DNMT1: variants seen among roughly 807,000 people sequenced by gnomAD.
DNMT1 encodes the protein DNA (cytosine-5)-methyltransferase 1.
In DNMT1, 24 loss-of-function variants were observed where a neutral mutation model predicts 205.3. The observed-to-expected ratio is 0.12, with a 90% CI of 0.08 to 0.16. The LOEUF (loss-of-function observed/expected upper bound fraction) is 0.16. DNMT1 is among the 10% of genes least tolerant of loss of function. The pLI is 1.00. For synonymous variants in DNMT1, 817 were observed against 839.8 expected, an observed-to-expected ratio of 0.97 and a Z score of 0.47; for missense variants, 1,293 against 2,177.7, an observed-to-expected ratio of 0.59 and a Z score of 8.09.
chr19:10,184,068 A>T (rs1214878277), intron 1 of DNMT1, among the ~76,000 whole-genome samples: 7 of 152,100 alleles, frequency 4.6e-5, no homozygotes, highest in African/African-American at 1.7e-4. Context: ...AGATACCAGG[A>T]AAGAGGGGGC....
intron 28 of DNMT1, chr19:10,144,269 G>A: frequency 2.5e-6 from 1 of 400,148 alleles, no homozygotes; most frequent in Admixed American, 3.6e-5. Context: ...TTAGCCGGGT[G>A]TGGTGGTACA....
Position 10,146,542 on chromosome 19 carries a change from A to T in DNMT1, c.2721-18T>A, listed in dbSNP as rs749486924. 6.2e-7 allele frequency: 1 copy of T among 1,613,882 alleles called. No individual in the cohort carries two copies. Among genetic ancestry groups the T allele is most frequent in the South Asian group, 1.1e-5 (1 of 91,074 alleles). The stretch of plus-strand genomic sequence containing the variant: ...CACAGAATCTGAAGGAAACAAAGGG[A>T]CAGAAACATAAGGCCCTGAGGTGGC... On this transcript the variant is annotated intron_variant, in intron 27 of 40. Transcript: ENST00000359526. The surrounding 1 kb of genome is among the most constrained non-coding windows in gnomAD (Gnocchi z 4.4).
At chr19:10,174,519 AAC>A (rs1362442365) in intron 7 of DNMT1, among the ~76,000 whole-genome samples, 2 of 151,956 alleles carry the variant, frequency 1.3e-5, no homozygotes, top group African/African-American at 4.8e-5. Flanking sequence ...CAGCCTGGCC[AAC>A]ACAGTGAAAT....
At chr19:10,153,094 T>C (rs1187748124) in intron 22 of DNMT1, among the ~76,000 whole-genome samples, 1 of 152,100 alleles carries the variant, frequency 6.6e-6, no homozygotes, top group Non-Finnish European at 1.5e-5. Context: ...GGTAGAACCA[T>C]TTTGGAGAGC....
rs140884982 is a variant in DNMT1 at position 10,137,481 on chromosome 19, G to A, written c.4294-201C>T. Reference sequence around the variant, plus strand: ...GGCAGCGCAGGTGTAGGAGAGCGTGGGAATCTAAGCTGAGCCTTTAGGGTG... The same window carrying A: ...GGCAGCGCAGGTGTAGGAGAGCGTGAGAATCTAAGCTGAGCCTTTAGGGTG... On this transcript the variant is annotated intron_variant, in intron 36 of 40. Transcript: ENST00000359526. The surrounding 1 kb of genome is among the most constrained non-coding windows in gnomAD (Gnocchi z 6.4). 3,282 of 686,540 alleles carry A rather than the reference G, an allele frequency of 4.8e-3. 12 individuals are homozygous for A. Among genetic ancestry groups the A allele is most frequent in the Non-Finnish European group, 6.3e-3 (2,577 of 408,986 alleles). 42.5% of individuals were successfully genotyped at this position (686,540 alleles called of 1,614,324 possible).
chr19:10,133,997 C>G lies in DNMT1; in HGVS notation c.4864+220G>C, dbSNP rs2089426438. ...CCCCAGGGCCAGCCCAGCAGCCAAC[C>G]TGACCAAAGGCCTGCTGTGTGCAGC... is the stretch of plus-strand genomic sequence containing the variant. On this transcript the variant is annotated intron_variant, in intron 40 of 40. Transcript: ENST00000359526. The surrounding 1 kb of genome is among the most constrained non-coding windows in gnomAD (Gnocchi z 4.1). Among the ~76,000 whole-genome samples the G allele has an allele frequency of 6.6e-6, 1 of 152,248 alleles. No homozygotes were observed.
rs1398964845 is a variant in DNMT1 at position 10,151,095 on chromosome 19, A to G, written c.2265+303T>C. ...GGGTGACAGAGCAAGATTCCATCTT[A>G]AACAAAACAAAACAGAAAAACAAGC... On this transcript the variant is annotated intron_variant, in intron 24 of 40. Transcript: ENST00000359526. This position sits in a 1 kb window ranked among gnomAD's most constrained non-coding sequence, Gnocchi z 5.0. 6.6e-6 allele frequency among the ~76,000 whole-genome samples: 1 copy of G among 152,150 alleles called. No individual in the cohort carries two copies. The highest frequency in any genetic ancestry group is 1.5e-5 in the Non-Finnish European group (1 of 68,024).
At chr19:10,184,659 T>A (rs944430599) in intron 1 of DNMT1, 1 of 151,268 alleles carries the variant, frequency 6.6e-6, no homozygotes, top group Non-Finnish European at 1.5e-5. Context: ...CAGAAAAAAA[T>A]AAAGGAACAA....
In DNMT1 at chr19:10,134,313, G is replaced by A; in HGVS notation, c.4774-6C>T. 1.2e-6 allele frequency: 2 copies of A among 1,613,874 alleles called. No individual in the cohort carries two copies. Among genetic ancestry groups the A allele is most frequent in the Non-Finnish European group, 1.7e-6 (2 of 1,179,946 alleles). Reference sequence around the variant, plus strand: ...GGTGGCACGGCATTGCCCACCTGCAGGAGGGGAGAAGGGCAATGCCTGATG... The same window carrying A: ...GGTGGCACGGCATTGCCCACCTGCAAGAGGGGAGAAGGGCAATGCCTGATG... On this transcript the variant is annotated splice_region_variant and splice_polypyrimidine_tract_variant and intron_variant, in intron 39 of 40. Coordinates refer to ENST00000359526, the MANE Select transcript of DNMT1 (RefSeq NM_001130823.3).
intron 29 of DNMT1, chr19:10,142,699 C>G (rs2089625497): frequency 5.6e-6 from 1 of 178,334 alleles, no homozygotes; most frequent in Admixed American, 5.4e-5. Flanking sequence ...GTTAGGGAGT[C>G]ATAGGGTAAA....
chr19:10,151,484 C>G lies in DNMT1; in HGVS notation c.2179G>C (p.Glu727Gln). The G allele has an allele frequency of 6.2e-7, 1 of 1,614,120 alleles. No homozygotes were observed. The highest frequency in any genetic ancestry group is 2.2e-5 in the East Asian group (1 of 44,880). Reference sequence around the variant, plus strand: ...TGCATTTTTTTGGGTGACGGCATCTCTGGGATGTTATCATCGACTTCCTCA... The same window carrying G: ...TGCATTTTTTTGGGTGACGGCATCTGTGGGATGTTATCATCGACTTCCTCA... ...DDEEVDDNIP[E>Q]MPSPKKMHQG... The change falls in exon 24 of 41, where the codon GAG becomes CAG. Residue 727 changes from glutamate to glutamine, a missense_variant. By Grantham distance (29) the Glu-to-Gln change is conservative (BLOSUM62 2). Around this residue, in one of 13 missense-constraint regions of DNMT1, gnomAD observed 197 missense variants for 353.6 expected, o/e 0.56. Transcript: ENST00000359526. The surrounding 1 kb of genome is among the most constrained non-coding windows in gnomAD (Gnocchi z 5.0).
In DNMT1 at chr19:10,154,220, AT is replaced by A. The variant is rs1196073078; in HGVS notation, c.2019+72del. ...AGAGTCTCAAGCCACAGAGAGAAAG[AT>A]GGAGCAGTCCTCAGATCAGGCCAGA... On this transcript the variant is annotated intron_variant, in intron 22 of 40. Transcript: ENST00000359526. This position sits in a 1 kb window ranked among gnomAD's most constrained non-coding sequence, Gnocchi z 6.3. 2.0e-6 allele frequency: 3 copies of A among 1,470,858 alleles called. No individual in the cohort carries two copies. In the African/African-American group the frequency reaches 4.2e-5, roughly 20 times the overall value. The allele number at this position is 1,470,858 out of a possible 1,614,324, so 91.1% of individuals were successfully genotyped here.
At chr19:10,135,010 G>A (rs971079123) in intron 39 of DNMT1, among the ~76,000 whole-genome samples, 6 of 151,790 alleles carry the variant, frequency 4.0e-5, no homozygotes, top group Non-Finnish European at 7.4e-5. Context: ...TCAAGAGTTC[G>A]GGACCAGCCT....
At position 10,133,483 on chromosome 19, in the gene DNMT1, C is replaced by T. The variant is rs2089416949; in HGVS notation, c.*184G>A. The T allele has an allele frequency of 5.9e-6, 4 of 673,498 alleles. No individual in the cohort carries two copies. The Admixed American group carries it at 7.8e-5, about 13-fold the overall frequency. The allele number at this position is 673,498 out of a possible 1,614,324, so 41.7% of individuals were successfully genotyped here. On this transcript the variant is annotated 3_prime_UTR_variant, in exon 41 of 41. Coordinates refer to ENST00000359526, the MANE Select transcript of DNMT1 (RefSeq NM_001130823.3). The surrounding 1 kb of genome is among the most constrained non-coding windows in gnomAD (Gnocchi z 4.1). Reference sequence around the variant, plus strand: ...TTTAAAATCCAGAATGCACAAAGTACTGCACAATTTGATCACTAAATCATT... The same window carrying T: ...TTTAAAATCCAGAATGCACAAAGTATTGCACAATTTGATCACTAAATCATT...
In DNMT1 at chr19:10,140,382, T is replaced by G. The variant is rs1292551993; in HGVS notation, c.3524-54A>C. 1 of 1,599,304 alleles carries G rather than the reference T, an allele frequency of 6.3e-7. No individual in the cohort carries two copies. Among genetic ancestry groups the G allele is most frequent in the Non-Finnish European group, 8.5e-7 (1 of 1,176,566 alleles). ...TCAACTCTCCAGAAGATTTTTTTTTTTTTTTGAGATGGAGTCTCGCTCTGT... is the reference window on the plus strand; with the variant it reads ...TCAACTCTCCAGAAGATTTTTTTTTGTTTTTGAGATGGAGTCTCGCTCTGT... On this transcript the variant is annotated intron_variant, in intron 32 of 40. Coordinates refer to ENST00000359526, the MANE Select transcript of DNMT1 (RefSeq NM_001130823.3). The surrounding 1 kb of genome is among the most constrained non-coding windows in gnomAD (Gnocchi z 8.4).
At position 10,135,647 on chromosome 19, in the gene DNMT1, G is replaced by A. The variant is rs563086926; in HGVS notation, c.4773+89C>T. 35 of 1,416,096 alleles carry A rather than the reference G, an allele frequency of 2.5e-5. No homozygotes were observed. The East Asian group carries it at 2.7e-4, about 11-fold the overall frequency. The allele number at this position is 1,416,096 out of a possible 1,614,324, so 87.7% of individuals were successfully genotyped here. ...CCCGGCAGCCAGCAGGCGTCCTCCC[G>A]GAAGTGACTGCGCTGGCCCCAGCCC... On this transcript the variant is annotated intron_variant, in intron 39 of 40. Coordinates refer to ENST00000359526, the MANE Select transcript of DNMT1 (RefSeq NM_001130823.3).
chr19:10,154,633 G>A lies in DNMT1; in HGVS notation c.1785C>T (p.Pro595=). The change falls in exon 21 of 41, where the codon CCC becomes CCT. Residue 595 remains proline (P), a synonymous_variant. Coordinates refer to ENST00000359526, the MANE Select transcript of DNMT1 (RefSeq NM_001130823.3). This position sits in a 1 kb window ranked among gnomAD's most constrained non-coding sequence, Gnocchi z 6.3. ...CCAGCTTGATCAGGTCCCGCATGCA[G>A]GGTGTCAGGAAGATGGGCTGCTCAT... ...DSDEQPIFLT[P]CMRDLIKLAG... The A allele has an allele frequency of 6.2e-7, 1 of 1,614,058 alleles. No homozygotes were observed. Among genetic ancestry groups the A allele is most frequent in the Non-Finnish European group, 8.5e-7 (1 of 1,179,954 alleles).
chr19:10,182,188 T>A, intron 1 of DNMT1, 111 bp from the exon 2 acceptor site: 2 of 1,167,340 alleles, frequency 1.7e-6, no homozygotes, highest in South Asian at 2.5e-5. Flanking sequence ...GTTTAACATA[T>A]GAGTGTTAGA....
Position 10,151,753 on chromosome 19 carries a change from C to T in DNMT1, c.2114G>A (p.Arg705Gln), listed in dbSNP as rs2038347571. 1.9e-6 allele frequency: 3 copies of T among 1,614,038 alleles called. No individual in the cohort carries two copies. The highest frequency in any genetic ancestry group is 2.5e-6 in the Non-Finnish European group (3 of 1,180,052). Reference sequence around the variant, plus strand: ...AGGAAGACTCGGCCTGACCTACCTCCGCTCTTGGCAAGCCTGCTTGCTCCG... The same window carrying T: ...AGGAAGACTCGGCCTGACCTACCTCTGCTCTTGGCAAGCCTGCTTGCTCCG... ...SGRSKQACQERRCPNMAMKEA... is the reference protein window; with the variant it reads ...SGRSKQACQEQRCPNMAMKEA... Residue 705 changes from arginine to glutamine, a missense_variant, in exon 23 of 41, where the codon CGG (arginine) becomes CAG (glutamine). Transcript: ENST00000359526. The surrounding 1 kb of genome is among the most constrained non-coding windows in gnomAD (Gnocchi z 5.0).
Sources: gnomAD v4.1 joint callset for allele counts (sites outside exome capture counted in the v4.1 genomes callset) on GRCh38, gnomAD v4.1.1 for gene constraint, gnomAD v4.1.1 regional missense constraint, Gnocchi (gnomAD v3.1) non-coding constraint, MANE v1.5 for transcripts, NCBI Gene and HGNC (gene_info 2026-07-23, HGNC 2026-07-21) for gene names.